Variants in TCF12 observed in about 807,000 individuals in gnomAD.
TCF12 encodes DNA-binding protein HTF4.
TCF12 carries 45 observed loss-of-function variants against 86.0 expected under a neutral mutation model. The ratio of observed to expected loss-of-function variants is 0.52; its 90% CI spans 0.41 to 0.67. TCF12 has a LOEUF of 0.67. TCF12 is among the 30% of genes least tolerant of loss of function. The probability of loss-of-function intolerance (pLI) is 0.00; values close to 1 mark genes in which losing one functional copy is unlikely to be tolerated. For missense variants in TCF12, 881 were observed against 859.9 expected, an observed-to-expected ratio of 1.02 and a Z score of -0.31; for synonymous variants, 330 against 299.6, an observed-to-expected ratio of 1.10 and a Z score of -1.05.
At chr15:57,058,687 C>A (rs2068216842) in intron 3 of TCF12, among the ~76,000 whole-genome samples, 1 of 152,116 alleles carries the variant, frequency 6.6e-6, no homozygotes, top group Non-Finnish European at 1.5e-5. Context: ...GATGAGGTAG[C>A]ATGTTTTAAC....
chr15:56,976,714 A>G (rs1362530728), intron 3 of TCF12, among the ~76,000 whole-genome samples: 4 of 152,152 alleles, frequency 2.6e-5, no homozygotes, highest in Admixed American at 2.6e-4. Context: ...TCTCCCACCC[A>G]GACAGTTGAA....
intron 3 of TCF12, among the ~76,000 whole-genome samples, chr15:57,045,833 A>C (rs1363988170): frequency 6.7e-6 from 1 of 150,362 alleles, no homozygotes; most frequent in Admixed American, 6.6e-5. Flanking sequence ...GACCTGAGCC[A>C]CTGTGCCTAG....
chr15:56,992,796 A>G (rs1392821316), intron 3 of TCF12, among the ~76,000 whole-genome samples: 2 of 152,234 alleles, frequency 1.3e-5, no homozygotes, highest in African/African-American at 4.8e-5. Flanking sequence ...TTTGGTGAAT[A>G]GAAGAATGCT....
At chr15:57,025,985 A>C (rs566294938) in intron 3 of TCF12, among the ~76,000 whole-genome samples, 19 of 152,184 alleles carry the variant, frequency 1.2e-4, no homozygotes, top group Non-Finnish European at 2.6e-4. Context: ...AAAAACTGGG[A>C]ATGGGAAGAC....
intron 8 of TCF12, among the ~76,000 whole-genome samples, chr15:57,227,573 G>A (rs757662995): frequency 5.3e-5 from 8 of 152,134 alleles, no homozygotes; most frequent in Non-Finnish European, 8.8e-5. Context: ...TGAGTGTGAT[G>A]AGGACATGCA....
chr15:57,232,986 T>C, intron 11 of TCF12, 130 bp downstream of exon 11: 1 of 519,362 alleles, frequency 1.9e-6, no homozygotes, highest in Non-Finnish European at 2.7e-6. Flanking sequence ...TATATATGTA[T>C]ATGTGTGTTA....
intron 12 of TCF12, among the ~76,000 whole-genome samples, chr15:57,238,906 A>G (rs1162591024): frequency 1.3e-5 from 2 of 152,226 alleles, no homozygotes; most frequent in African/African-American, 4.8e-5. Context: ...AAGGAAGGTG[A>G]AAATGTATAA....
At chr15:57,061,415 T>G (rs1478647656) in intron 3 of TCF12, among the ~76,000 whole-genome samples, 1 of 152,000 alleles carries the variant, frequency 6.6e-6, no homozygotes, top group African/African-American at 2.4e-5. Flanking sequence ...CAACATAGTG[T>G]AAGACTCTGT....
chr15:57,094,524 A>G (rs2049189599), intron 5 of TCF12, among the ~76,000 whole-genome samples: 1 of 152,190 alleles, frequency 6.6e-6, no homozygotes, highest in Non-Finnish European at 1.5e-5. Context: ...GTTTATAGCA[A>G]TATATAGTTA....
In TCF12 at chr15:57,251,378, G is replaced by A. The variant is rs1429019928; in HGVS notation, c.1143G>A (p.Gly381=). The A allele has an allele frequency of 1.9e-6, 3 of 1,613,904 alleles. No individual in the cohort carries two copies. The highest frequency in any genetic ancestry group is 2.5e-6 in the Non-Finnish European group (3 of 1,179,886). ...TGTSQWPRPG[G]QAPSSPSYEN... ...CCAGTCAGTGGCCAAGACCTGGAGGGCAAGCACCTTCATCCCCAAGCTATG... is the reference window on the plus strand; with the variant it reads ...CCAGTCAGTGGCCAAGACCTGGAGGACAAGCACCTTCATCCCCAAGCTATG... Residue 381 remains glycine (G), a synonymous_variant, in exon 14 of 21, where the codon GGG becomes GGA. Coordinates refer to ENST00000333725, the MANE Select transcript of TCF12 (RefSeq NM_207037.2).
At chr15:57,140,092 C>T (rs2052847707) in intron 5 of TCF12, among the ~76,000 whole-genome samples, 1 of 152,108 alleles carries the variant, frequency 6.6e-6, no homozygotes, top group Non-Finnish European at 1.5e-5. Flanking sequence ...CTGAAAGAGA[C>T]ATTTGTACAC....
At chr15:57,184,823 T>C (rs1285228501) in intron 6 of TCF12, among the ~76,000 whole-genome samples, 2 of 152,160 alleles carry the variant, frequency 1.3e-5, no homozygotes, top group Non-Finnish European at 2.9e-5. Context: ...ATTTAATGAT[T>C]CCTAGGTCAT....
intron 3 of TCF12, among the ~76,000 whole-genome samples, chr15:56,934,103 G>A (rs2060365029): frequency 6.6e-6 from 1 of 152,054 alleles, no homozygotes; most frequent in Non-Finnish European, 1.5e-5. Context: ...GTCTTTGTGA[G>A]GATTCTGTTA....
At chr15:57,150,217 C>G (rs1308293052) in intron 5 of TCF12, among the ~76,000 whole-genome samples, 2 of 152,240 alleles carry the variant, frequency 1.3e-5, no homozygotes, top group African/African-American at 4.8e-5. Context: ...CAAGGGAGCT[C>G]AAGATCTTTA....
intron 3 of TCF12, among the ~76,000 whole-genome samples, chr15:56,928,194 G>A (rs1196093542): frequency 6.6e-6 from 1 of 152,102 alleles, no homozygotes; most frequent in Non-Finnish European, 1.5e-5. Context: ...TTTTTCATTT[G>A]TGAAAAGTGG....
At chr15:57,007,665 A>C (rs1165233309) in intron 3 of TCF12, among the ~76,000 whole-genome samples, 2 of 152,210 alleles carry the variant, frequency 1.3e-5, no homozygotes, top group Non-Finnish European at 2.9e-5. Context: ...TTGTATAATG[A>C]AAACTGACTA....
intron 4 of TCF12, among the ~76,000 whole-genome samples, chr15:57,072,952 T>C (rs1010645646): frequency 1.3e-5 from 2 of 152,224 alleles, no homozygotes. Context: ...AATTGGGTTG[T>C]GATGATGTAA....
chr15:57,195,415 G>C (rs1219029890), intron 7 of TCF12, among the ~76,000 whole-genome samples: 1 of 152,202 alleles, frequency 6.6e-6, no homozygotes, highest in Non-Finnish European at 1.5e-5. Context: ...CTCTAAACTG[G>C]TAGGGGCAGT....
intron 3 of TCF12, among the ~76,000 whole-genome samples, chr15:57,003,960 G>A (rs1376713240): frequency 2.0e-5 from 3 of 152,072 alleles, no homozygotes; most frequent in Admixed American, 6.6e-5. Context: ...TTGTTGGCTC[G>A]GGCTTCTTAC....
Sources: gnomAD v4.1 joint callset for allele counts (sites outside exome capture counted in the v4.1 genomes callset) on GRCh38, gnomAD v4.1.1 for gene constraint, MANE v1.5 for transcripts, NCBI Gene and HGNC (gene_info 2026-07-23, HGNC 2026-07-21) for gene names.